The following CCDC40 variants were observed in gnomAD, a reference collection of about 807,000 sequenced individuals.
The protein encoded by CCDC40 is coiled-coil domain 40 molecular ruler complex subunit, also known as coiled-coil domain-containing protein 40.
A neutral mutation model predicts 124.5 loss-of-function variants in CCDC40; 104 were observed. The ratio of observed to expected loss-of-function variants is 0.84; its 90% CI spans 0.71 to 0.98. The LOEUF is 0.98. Among genes scored for constraint, CCDC40 ranks in the 50% least tolerant of loss-of-function variants. The pLI is 0.00. For synonymous variants in CCDC40, 580 were observed against 602.9 expected (o/e 0.96, Z 0.56); for missense variants, 1,463 against 1,503.9 (o/e 0.97, Z 0.45).
rs760833773 is a variant in CCDC40, at chr17:80,095,384, C to T, written c.2954C>T (p.Ala985Val). ...AEGQRKMDRKALTRTDFHHKQ... is the reference protein window; with the variant it reads ...AEGQRKMDRKVLTRTDFHHKQ... ...GGGCAGCGCAAGATGGACAGGAAGG[C>T]GCTCACCCGCACCGACTTCCACCAC... The change falls in exon 18 of 20, where the codon GCG becomes GTG. Residue 985 changes from alanine to valine, a missense_variant. Coordinates refer to ENST00000397545, the MANE Select transcript of CCDC40 (RefSeq NM_017950.4). 1.1e-5 allele frequency: 18 copies of T among 1,614,090 alleles called. No homozygotes were observed. The highest frequency in any genetic ancestry group is 5.3e-5 in the African/African-American group (4 of 75,076).
At chr17:80,037,932 G>A in intron 1 of CCDC40, 191 bp from the exon 2 acceptor site, 1 of 549,280 alleles carries the variant, frequency 1.8e-6, no homozygotes, top group Non-Finnish European at 3.4e-6. Flanking sequence ...TGCTTTTGTG[G>A]CATCTCCGCC....
At chr17:80,093,812 C>A (rs2038760078) in intron 17 of CCDC40, among the ~76,000 whole-genome samples, 1 of 152,178 alleles carries the variant, frequency 6.6e-6, no homozygotes, top group African/African-American at 2.4e-5. Context: ...CCGCACCCGG[C>A]CTGTTTTCTT....
chr17:80,087,018 G>A lies in CCDC40; in HGVS notation c.2450-589G>A, dbSNP rs2038601406. The A allele has an allele frequency of 5.5e-6, 1 of 182,710 alleles. No homozygotes were observed. The highest frequency in any genetic ancestry group is 2.3e-5 in the African/African-American group (1 of 42,594). The allele number at this position is 182,710 out of a possible 1,614,324, so 11.3% of individuals were successfully genotyped here. A position where few individuals can be genotyped will look rare whatever the true frequency, so the allele number is the denominator to read the frequency against. ...GGATCACCCATGGAGAGGGCAGAGA[G>A]AGGGGCTCACATGCCCATGTCCTGG... On this transcript the variant is annotated intron_variant, in intron 14 of 19. Coordinates refer to ENST00000397545, the MANE Select transcript of CCDC40 (RefSeq NM_017950.4). This position sits in a 1 kb window ranked among gnomAD's most constrained non-coding sequence, Gnocchi z 4.5.
At chr17:80,089,908 C>G (rs992046469) in intron 17 of CCDC40, 24 bp downstream of exon 17, 1 of 1,613,058 alleles carries the variant, frequency 6.2e-7, no homozygotes, top group Non-Finnish European at 8.5e-7. Flanking sequence ...AGCGGCGTGG[C>G]AGGGCCTGCT....
intron 10 of CCDC40, among the ~76,000 whole-genome samples, chr17:80,077,106 T>C (rs2038328278): frequency 6.6e-6 from 1 of 152,230 alleles, no homozygotes. Context: ...ATGCACCTTC[T>C]GTATGCACTG....
Position 80,086,457 on chromosome 17 carries a change from G to T in CCDC40, c.2449+241G>T. 1 of 505,692 alleles carries T rather than the reference G, an allele frequency of 2.0e-6. No individual in the cohort carries two copies. Among genetic ancestry groups the T allele is most frequent in the Non-Finnish European group, 3.6e-6 (1 of 276,576 alleles). 31.3% of individuals were successfully genotyped at this position (505,692 alleles called of 1,614,324 possible). Reference sequence around the variant, plus strand: ...GTCACGAAATGGCTCCAAGCTCACGGACTTCAGAGCTCTCCTTGAGAGAGG... The same window carrying T: ...GTCACGAAATGGCTCCAAGCTCACGTACTTCAGAGCTCTCCTTGAGAGAGG... On this transcript the variant is annotated intron_variant, in intron 14 of 19. Coordinates refer to ENST00000397545, the MANE Select transcript of CCDC40 (RefSeq NM_017950.4). The surrounding 1 kb of genome is among the most constrained non-coding windows in gnomAD (Gnocchi z 5.5).
intron 10 of CCDC40, among the ~76,000 whole-genome samples, chr17:80,069,764 A>C (rs12602234): frequency 0.57 from 86,027 of 150,100 alleles, 25,306 homozygotes; most frequent in Middle Eastern, 0.77. Context: ...AAAATAAGAA[A>C]GAAAAAGAAA....
chr17:80,076,074 A>G (rs1390886589), intron 10 of CCDC40, among the ~76,000 whole-genome samples: 1 of 152,248 alleles, frequency 6.6e-6, no homozygotes, highest in Non-Finnish European at 1.5e-5. Flanking sequence ...CATTGTTGAA[A>G]TTAACAAAGA....
chr17:80,053,941 C>T (rs534884536), intron 7 of CCDC40, among the ~76,000 whole-genome samples: 3 of 152,292 alleles, frequency 2.0e-5, no homozygotes, highest in South Asian at 2.1e-4. Context: ...GGGAAGTCCA[C>T]GCATGAAGAC....
intron 9 of CCDC40, 140 bp from the exon 10 acceptor site, chr17:80,065,345 C>T: frequency 8.6e-7 from 1 of 1,169,202 alleles, no homozygotes; most frequent in Admixed American, 1.7e-5. Context: ...GTTTACCCCT[C>T]TGCAGATGCA....
At chr17:80,060,110 C>T (rs1161814698) in intron 9 of CCDC40, among the ~76,000 whole-genome samples, 1 of 152,138 alleles carries the variant, frequency 6.6e-6, no homozygotes, top group South Asian at 2.1e-4. Flanking sequence ...AAGATTCAAA[C>T]GGGGCAAGCA....
chr17:80,048,031 G>A (rs1014484419), intron 4 of CCDC40, among the ~76,000 whole-genome samples: 18 of 152,186 alleles, frequency 1.2e-4, no homozygotes, highest in South Asian at 6.2e-4. Flanking sequence ...AGCCAAGGCC[G>A]GTGGATCACC....
intron 7 of CCDC40, among the ~76,000 whole-genome samples, chr17:80,051,584 C>A (rs1336087460): frequency 7.7e-6 from 1 of 130,246 alleles, no homozygotes; most frequent in African/African-American, 3.0e-5. Context: ...AGCCGAGATC[C>A]CGCCACTGCA....
chr17:80,087,305 C>G lies in CCDC40; in HGVS notation c.2450-302C>G, dbSNP rs1701645001. ...ATTTGCAAGTGTCTGGGGGAGGGAG[C>G]CTGGCCCTCCCACACGCCCTGCCCA... On this transcript the variant is annotated intron_variant, in intron 14 of 19. Transcript: ENST00000397545. This position sits in a 1 kb window ranked among gnomAD's most constrained non-coding sequence, Gnocchi z 4.5. 2.2e-5 allele frequency: 10 copies of G among 464,520 alleles called. No individual in the cohort carries two copies. Among genetic ancestry groups the G allele is most frequent in the South Asian group, 1.9e-4 (9 of 46,932 alleles). The allele number at this position is 464,520 out of a possible 1,614,324, so 28.8% of individuals were successfully genotyped here.
chr17:80,060,196 C>T (rs772524429), intron 9 of CCDC40, among the ~76,000 whole-genome samples: 7 of 152,050 alleles, frequency 4.6e-5, no homozygotes, highest in Non-Finnish European at 8.8e-5. Flanking sequence ...GGGTCCTGGA[C>T]ACAGCAGGAT....
At chr17:80,037,128 C>G (rs1481915807) in intron 1 of CCDC40, among the ~76,000 whole-genome samples, 3 of 152,162 alleles carry the variant, frequency 2.0e-5, no homozygotes, top group Non-Finnish European at 4.4e-5. Flanking sequence ...CGGAGACCAG[C>G]CCGGCCCCGC....
chr17:80,067,995 C>CA (rs1214241456), intron 10 of CCDC40: 5 of 1,071,560 alleles, frequency 4.7e-6, no homozygotes, highest in Non-Finnish European at 4.5e-6. Context: ...CTTGCCACAC[C>CA]AAGGCCCCGG....
intron 10 of CCDC40, among the ~76,000 whole-genome samples, chr17:80,073,434 C>T (rs2038240080): frequency 6.6e-6 from 1 of 152,116 alleles, no homozygotes; most frequent in African/African-American, 2.4e-5. Flanking sequence ...TGTCATCGTC[C>T]GTTATGGTGA....
intron 7 of CCDC40, chr17:80,051,374 A>C (rs1364739408): frequency 2.7e-6 from 2 of 753,830 alleles, no homozygotes; most frequent in East Asian, 2.6e-4. Context: ...TCACGCCTGT[A>C]ATCCTAGCAC....
Sources: allele counts gnomAD v4.1 joint callset (sites outside exome capture counted in the v4.1 genomes callset), GRCh38; gene constraint gnomAD v4.1.1; non-coding constraint Gnocchi (gnomAD v3.1); transcripts MANE v1.5; gene names NCBI Gene and HGNC (gene_info 2026-07-23, HGNC 2026-07-21).